Variants in STK38L observed in about 807,000 individuals in gnomAD.
STK38L encodes the protein serine/threonine kinase 38 like.
A neutral mutation model predicts 59.7 loss-of-function variants in STK38L; 28 were observed. The observed-to-expected ratio is 0.47, with a 90% confidence interval of 0.35 to 0.64. The LOEUF (loss-of-function observed/expected upper bound fraction) is 0.64. STK38L is among the 30% of genes least tolerant of loss of function. The probability of loss-of-function intolerance (pLI) is 0.01; values close to 1 mark genes in which losing one functional copy is unlikely to be tolerated. For synonymous variants in STK38L, 162 were observed against 176.8 expected, an observed-to-expected ratio of 0.92 and a Z score of 0.66; for missense variants, 314 against 555.8, an observed-to-expected ratio of 0.56 and a Z score of 4.37.
intron 1 of STK38L, 80 bp from the exon 2 acceptor site, chr12:27,297,630 A>G: frequency 6.9e-7 from 1 of 1,445,724 alleles, no homozygotes; most frequent in Non-Finnish European, 9.2e-7. Context: ...CTTAGTTGAA[A>G]TTGAACATTT....
intron 9 of STK38L, among the ~76,000 whole-genome samples, chr12:27,316,616 G>T (rs1437270940): frequency 3.3e-5 from 5 of 152,168 alleles, no homozygotes; most frequent in Non-Finnish European, 7.3e-5. Flanking sequence ...CCTACATTTT[G>T]CCATGGCCCC....
chr12:27,266,713 C>T (rs575287222), intron 1 of STK38L, among the ~76,000 whole-genome samples: 2 of 152,298 alleles, frequency 1.3e-5, no homozygotes, highest in African/African-American at 4.8e-5. Context: ...TTCCTGTTTT[C>T]ATTTCATTCC....
chr12:27,283,040 T>G (rs868669812), intron 1 of STK38L, among the ~76,000 whole-genome samples: 1 of 152,212 alleles, frequency 6.6e-6, no homozygotes. Flanking sequence ...ATGATACACA[T>G]AAAGCACAGT....
Position 27,322,545 on chromosome 12 carries a change from C to G in STK38L, c.*90C>G, listed in dbSNP as rs1735262523. 1 of 1,492,706 alleles carries G rather than the reference C, an allele frequency of 6.7e-7. No individual in the cohort carries two copies. Among genetic ancestry groups the G allele is most frequent in the Admixed American group, 2.3e-5 (1 of 43,926 alleles). The allele number at this position is 1,492,706 out of a possible 1,614,324, so 92.5% of individuals were successfully genotyped here. On this transcript the variant is annotated 3_prime_UTR_variant, in exon 14 of 14. Coordinates refer to ENST00000389032, the MANE Select transcript of STK38L (RefSeq NM_015000.4). ...GTAGATAACAATACACTGAAATACT[C>G]CTGAAGATGGTGGTGCTTATTGACT...
chr12:27,314,401 CA>C (rs35096255), intron 6 of STK38L, 102 bp from the exon 7 acceptor site: 69,703 of 668,660 alleles, frequency 0.1, 1 homozygote, highest in East Asian at 0.13. Flanking sequence ...ACTCTGTCTC[CA>C]AAAAAAAAAA....
In STK38L at chr12:27,308,964, A is replaced by G; in HGVS notation, c.310-150A>G. The G allele has an allele frequency of 6.5e-6, 1 of 153,164 alleles. No homozygotes were observed. The highest frequency in any genetic ancestry group is 2.1e-4 in the South Asian group (1 of 4,828). The allele number at this position is 153,164 out of a possible 1,614,324, so 9.5% of individuals were successfully genotyped here. On this transcript the variant is annotated intron_variant, in intron 4 of 13. Transcript: ENST00000389032. This position sits in a 1 kb window ranked among gnomAD's most constrained non-coding sequence, Gnocchi z 4.5. ...AAATATATATATAACATATATAAAAATATATAGATATAAAAATATATAGAT... is the reference window on the plus strand; with the variant it reads ...AAATATATATATAACATATATAAAAGTATATAGATATAAAAATATATAGAT...
intron 1 of STK38L, among the ~76,000 whole-genome samples, chr12:27,287,417 G>T (rs1031596667): frequency 1.3e-5 from 2 of 152,024 alleles, no homozygotes; most frequent in African/African-American, 4.8e-5. Flanking sequence ...GGCGCTTTTA[G>T]ATATAATGGA....
rs1298810694 is a variant in STK38L, at chr12:27,308,921, TATATATAAA to T, written c.310-185_310-177del. Among the ~76,000 whole-genome samples, 1 of 145,680 alleles carries T rather than the reference TATATATAAA, an allele frequency of 6.9e-6. No individual in the cohort carries two copies. Among genetic ancestry groups the T allele is most frequent in the Non-Finnish European group, 1.5e-5 (1 of 66,410 alleles). On this transcript the variant is annotated intron_variant, in intron 4 of 13. Transcript: ENST00000389032. The surrounding 1 kb of genome is among the most constrained non-coding windows in gnomAD (Gnocchi z 4.5). ...ATAAATATATATAAATATATATTAA[TATATATAAA>T]ATATATATAAATATATATATAACAT...
intron 2 of STK38L, among the ~76,000 whole-genome samples, chr12:27,299,846 CA>C (rs1944121212): frequency 6.6e-6 from 1 of 151,260 alleles, no homozygotes; most frequent in Non-Finnish European, 1.5e-5. Context: ...ACTGAAATAC[CA>C]AAAATGGTAA....
At chr12:27,249,689 C>T (rs1234979850) in intron 1 of STK38L, among the ~76,000 whole-genome samples, 1 of 152,216 alleles carries the variant, frequency 6.6e-6, no homozygotes, top group Non-Finnish European at 1.5e-5. Context: ...CCTTAATTAA[C>T]ACCAGATCAG....
intron 1 of STK38L, among the ~76,000 whole-genome samples, chr12:27,268,370 T>G (rs1043412404): frequency 2.0e-5 from 3 of 152,174 alleles, no homozygotes; most frequent in Admixed American, 6.5e-5. Context: ...CATGTGGTGT[T>G]TGGTTTTTTG....
At chr12:27,309,222 T>C (rs745361089) in intron 5 of STK38L, 25 bp downstream of exon 5, 25 of 1,534,112 alleles carry the variant, frequency 1.6e-5, no homozygotes, top group Non-Finnish European at 2.2e-5. Flanking sequence ...ACACATGTAA[T>C]ATAAAGGAGC....
At chr12:27,298,046 T>A (rs937799038) in intron 2 of STK38L, 192 bp downstream of exon 2, 9 of 606,216 alleles carry the variant, frequency 1.5e-5, no homozygotes, top group African/African-American at 3.7e-5. Flanking sequence ...GTGCCCCAAG[T>A]CTTGTGCATC....
chr12:27,253,186 C>G (rs921286942), intron 1 of STK38L, among the ~76,000 whole-genome samples: 5 of 152,210 alleles, frequency 3.3e-5, no homozygotes, highest in Non-Finnish European at 7.3e-5. Flanking sequence ...ATCTACTTCT[C>G]TTTCTGCTCT....
At chr12:27,300,689 A>G (rs1944146544) in intron 2 of STK38L, 1 of 447,840 alleles carries the variant, frequency 2.2e-6, no homozygotes, top group African/African-American at 2.0e-5. Context: ...TAAACAAAAG[A>G]CAAAAATCAG....
chr12:27,287,022 C>T (rs549938983), intron 1 of STK38L, among the ~76,000 whole-genome samples: 30 of 151,496 alleles, frequency 2.0e-4, no homozygotes, highest in Non-Finnish European at 3.2e-4. Flanking sequence ...TGTCTCCTTT[C>T]GACTTTAACA....
At chr12:27,312,189 C>A (rs1944472587) in intron 5 of STK38L, among the ~76,000 whole-genome samples, 2 of 152,086 alleles carry the variant, frequency 1.3e-5, no homozygotes, top group African/African-American at 4.8e-5. Context: ...CTGCTTACTA[C>A]TTTTAACTTT....
intron 1 of STK38L, among the ~76,000 whole-genome samples, chr12:27,294,239 G>C (rs934406187): frequency 1.3e-5 from 2 of 151,510 alleles, no homozygotes; most frequent in African/African-American, 2.4e-5. Context: ...TGCTGGGAAG[G>C]CTAGGCAAGG....
chr12:27,317,931 A>G lies in STK38L; in HGVS notation c.991A>G (p.Thr331Ala). ...TTTCTGCTCTGAAACACCTCAAGAA[A>G]CGTACAGAAAAGTGATGAACTGGAA... ...PPFCSETPQE[T>A]YRKVMNWKET... Residue 331 changes from threonine to alanine, a missense_variant, in exon 11 of 14, where the codon ACG becomes GCG. Around this residue, in one of 3 missense-constraint regions of STK38L, gnomAD observed 28 missense variants for 96.7 expected, o/e 0.29. Transcript: ENST00000389032. 1 of 1,613,978 alleles carries G rather than the reference A, an allele frequency of 6.2e-7. No homozygotes were observed. Among genetic ancestry groups the G allele is most frequent in the Non-Finnish European group, 8.5e-7 (1 of 1,179,926 alleles).
Sources: allele counts gnomAD v4.1 joint callset (sites outside exome capture counted in the v4.1 genomes callset), GRCh38; gene constraint gnomAD v4.1.1; regional missense constraint gnomAD v4.1.1; non-coding constraint Gnocchi (gnomAD v3.1); transcripts MANE v1.5; gene names NCBI Gene and HGNC (gene_info 2026-07-23, HGNC 2026-07-21).